The following PCDH19 variants were observed in gnomAD, a reference collection of about 807,000 sequenced individuals.
The protein encoded by PCDH19 is protocadherin 19.
Under a neutral mutation model 46.2 loss-of-function variants are expected in PCDH19, and 6 were observed. That is an observed-to-expected ratio of 0.13 (90% CI 0.07 to 0.26). The LOEUF (loss-of-function observed/expected upper bound fraction) is 0.26. Ranked by LOEUF, PCDH19 falls within the 10% of genes least tolerant of loss-of-function variation. The pLI is 1.00. For missense variants in PCDH19, 740 were observed against 972.3 expected (o/e 0.76, Z 3.18); for synonymous variants, 481 against 415.7 (o/e 1.16, Z -1.91).
Position 100,407,570 on chromosome X carries a change from G to T in PCDH19, c.1028C>A (p.Pro343Gln), listed in dbSNP as rs768727984. 3.3e-6 allele frequency: 4 copies of T among 1,211,335 alleles called. No individual in the cohort carries two copies. In the South Asian group the frequency reaches 7.0e-5, roughly 21 times the overall value. The change falls in exon 1 of 6, where the codon CCG (proline) becomes CAG (glutamine). Residue 343 changes from proline (P) to glutamine (Q), a missense_variant. By Grantham distance (76) the Pro-to-Gln change is moderately conservative. Coordinates refer to ENST00000373034, the MANE Select transcript of PCDH19 (RefSeq NM_001184880.2). Reference protein sequence around the residue: ...TVSVLDTNDNPPVINLLSVNS... With the variant: ...TVSVLDTNDNQPVINLLSVNS... ...GACTGACAGCAGGTTGATGACCGGC[G>T]GATTGTCATTGGTGTCCAGCACGCT... is the stretch of plus-strand genomic sequence containing the variant.
In PCDH19 at chrX:100,296,308, C is replaced by T. The variant is rs1437440935; in HGVS notation, c.3416G>A (p.Gly1139Asp). Residue 1139 changes from glycine to aspartate, a missense_variant, in exon 6 of 6, where the codon GGT (glycine) becomes GAT (aspartate). Transcript: ENST00000373034. ...AACGATATCCTTCAGACGCTTCACA[C>T]CAGGGGACTCTTTGTTGCGACCTTC... ...LKEGRNKESPGVKRLKDIVL is the reference protein window; with the variant it reads ...LKEGRNKESPDVKRLKDIVL 1 of 1,210,870 alleles carries T rather than the reference C, an allele frequency of 8.3e-7. No individual in the cohort carries two copies. Among genetic ancestry groups the T allele is most frequent in the Admixed American group, 2.2e-5 (1 of 46,049 alleles).
In PCDH19 at chrX:100,407,866, C is replaced by A; in HGVS notation, c.732G>T (p.Ala244=). The change falls in exon 1 of 6, where the codon GCG becomes GCT. Residue 244 remains alanine (A), a synonymous_variant. Coordinates refer to ENST00000373034, the MANE Select transcript of PCDH19 (RefSeq NM_001184880.2). ...GAGGCGAGTTTTCTGGCACGCTCAC[C>A]GCGTAGGTGGACTCGCTAAACACCG... ...NNPVFSESTY[A]VSVPENSPPN... 1.6e-6 allele frequency: 2 copies of A among 1,212,341 alleles called. No individual in the cohort carries two copies. Among genetic ancestry groups the A allele is most frequent in the Non-Finnish European group, 2.2e-6 (2 of 895,597 alleles).
At chrX:100,300,957 A>G (rs1924760257) in intron 5 of PCDH19, among the ~76,000 whole-genome samples, 1 of 110,389 alleles carries the variant, frequency 9.1e-6, no homozygotes, top group Non-Finnish European at 1.9e-5. Context: ...CGAGGGTACA[A>G]GAGGCAAAAG....
At chrX:100,340,284 C>A (rs2147483603) in intron 5 of PCDH19, among the ~76,000 whole-genome samples, 1 of 112,153 alleles carries the variant, frequency 8.9e-6, no homozygotes, top group South Asian at 3.7e-4. Context: ...CTGCAGTTCC[C>A]TGATACTGTT....
At chrX:100,363,103 T>G (rs1030889640) in intron 3 of PCDH19, among the ~76,000 whole-genome samples, 1 of 110,745 alleles carries the variant, frequency 9.0e-6, no homozygotes, top group Non-Finnish European at 1.9e-5. Flanking sequence ...GTCAGGAGTT[T>G]GAGACCAGCC....
intron 5 of PCDH19, among the ~76,000 whole-genome samples, chrX:100,305,453 T>C (rs1042765266): frequency 1.8e-5 from 2 of 111,710 alleles, no homozygotes; most frequent in Admixed American, 9.5e-5. Flanking sequence ...TTGAAATACA[T>C]GAAAATAGAA....
chrX:100,300,460 CT>C (rs1924740257), intron 5 of PCDH19, among the ~76,000 whole-genome samples: 1 of 111,543 alleles, frequency 9.0e-6, no homozygotes, highest in South Asian at 3.8e-4. Flanking sequence ...CACTAAGTTC[CT>C]GCTGAGATTC....
At chrX:100,344,070 A>G (rs1432415860) in intron 4 of PCDH19, among the ~76,000 whole-genome samples, 1 of 112,456 alleles carries the variant, frequency 8.9e-6, no homozygotes, top group Non-Finnish European at 1.9e-5. Context: ...CCAGGAGGCC[A>G]GTAACTGGAA....
At chrX:100,342,913 A>C (rs1264433160) in intron 4 of PCDH19, among the ~76,000 whole-genome samples, 1 of 112,283 alleles carries the variant, frequency 8.9e-6, no homozygotes, top group African/African-American at 3.2e-5. Context: ...ATGCCCAGAT[A>C]GCTGGTTAAA....
intron 3 of PCDH19, among the ~76,000 whole-genome samples, chrX:100,353,291 A>G (rs1056125201): frequency 8.9e-5 from 10 of 112,451 alleles, no homozygotes; most frequent in African/African-American, 3.2e-4. Flanking sequence ...TTGCAGGAAA[A>G]GGATAAGCAG....
At chrX:100,401,630 C>G (rs1185120526) in intron 3 of PCDH19, among the ~76,000 whole-genome samples, 24 of 100,926 alleles carry the variant, frequency 2.4e-4, no homozygotes, top group African/African-American at 8.9e-4. Flanking sequence ...CTAGCCTGGA[C>G]AACAAGAGAA....
intron 5 of PCDH19, among the ~76,000 whole-genome samples, chrX:100,322,074 C>A (rs1264362442): frequency 9.0e-6 from 1 of 110,717 alleles, no homozygotes; most frequent in African/African-American, 3.3e-5. Flanking sequence ...CAGGTGTGAG[C>A]CACCGCGCCT....
intron 3 of PCDH19, among the ~76,000 whole-genome samples, chrX:100,388,204 G>A (rs1192570386): frequency 9.1e-6 from 1 of 109,507 alleles, no homozygotes; most frequent in African/African-American, 3.3e-5. Flanking sequence ...GTGTGTGTAT[G>A]AATATATATA....
At chrX:100,404,638 T>C (rs1445313133) in intron 1 of PCDH19, among the ~76,000 whole-genome samples, 1 of 107,627 alleles carries the variant, frequency 9.3e-6, no homozygotes, top group Non-Finnish European at 1.9e-5. Context: ...AATATTCAGA[T>C]GCTCTCCTCC....
At chrX:100,392,647 T>G (rs1022911231) in intron 3 of PCDH19, among the ~76,000 whole-genome samples, 1 of 111,507 alleles carries the variant, frequency 9.0e-6, no homozygotes, top group African/African-American at 3.3e-5. Context: ...ATGCCAGTCT[T>G]ATGAGTGCAG....
In PCDH19 at chrX:100,408,285, C is replaced by T. The variant is rs756745115; in HGVS notation, c.313G>A (p.Val105Ile). ...CAGATTTCCATTGAGCTGGACATGA[C>T]CTCGAGCGAGATGATGCACTTGGGG... ...QSPKCIISLEVMSSSMEICVI... is the reference protein window; with the variant it reads ...QSPKCIISLEIMSSSMEICVI... The change falls in exon 1 of 6, where the codon GTC becomes ATC. Residue 105 changes from valine (V) to isoleucine (I), a missense_variant. Physicochemically the swap from Val to Ile is conservative, Grantham distance 29. Coordinates refer to ENST00000373034, the MANE Select transcript of PCDH19 (RefSeq NM_001184880.2). The T allele has an allele frequency of 1.7e-6, 2 of 1,211,701 alleles. No individual in the cohort carries two copies. Among genetic ancestry groups the T allele is most frequent in the South Asian group, 3.5e-5 (2 of 56,954 alleles).
chrX:100,369,172 T>C (rs1469283609), intron 3 of PCDH19, among the ~76,000 whole-genome samples: 1 of 111,573 alleles, frequency 9.0e-6, no homozygotes, highest in East Asian at 2.8e-4. Flanking sequence ...TATGTGTTCA[T>C]CTTCTCAATA....
intron 3 of PCDH19, among the ~76,000 whole-genome samples, chrX:100,394,525 A>G (rs1031631419): frequency 9.0e-6 from 1 of 111,588 alleles, no homozygotes; most frequent in Non-Finnish European, 1.9e-5. Context: ...CTCTTCAGGA[A>G]CGAGCTCTAC....
Position 100,408,699 on chromosome X carries a change from G to T in PCDH19, c.-102C>A. 1.4e-6 allele frequency: 1 copy of T among 724,167 alleles called. No homozygotes were observed. Among genetic ancestry groups the T allele is most frequent in the Admixed American group, 3.1e-5 (1 of 32,762 alleles). 59.7% of individuals were successfully genotyped at this position (724,167 alleles called of 1,213,427 possible). On this transcript the variant is annotated 5_prime_UTR_variant, in exon 1 of 6. Transcript: ENST00000373034. ...CCGGCTCGGGCCGCCTGTTGCGCGC[G>T]CCCCGTGGCCCCGGAGGCCGCGGGA...
Sources: gnomAD v4.1 joint callset for allele counts (sites outside exome capture counted in the v4.1 genomes callset) on GRCh38, gnomAD v4.1.1 for gene constraint, MANE v1.5 for transcripts, NCBI Gene and HGNC (gene_info 2026-07-23, HGNC 2026-07-21) for gene names.